Variants in TBC1D1 observed in about 807,000 individuals in gnomAD.
TBC1D1 encodes the protein TBC1 (tre-2/USP6, BUB2, cdc16) domain family, member 1.
TBC1D1 carries 89 observed loss-of-function variants against 125.6 expected under a neutral mutation model. That is an observed-to-expected ratio of 0.71 (90% CI 0.60 to 0.85). TBC1D1 has a LOEUF of 0.85. Among genes scored for constraint, TBC1D1 ranks in the 40% least tolerant of loss-of-function variants. The pLI is 0.00. For missense variants in TBC1D1, 1,377 were observed against 1,469.2 expected (o/e 0.94, Z 1.03); for synonymous variants, 565 against 564.1 (o/e 1.00, Z -0.02).
rs1176111572 is a variant in TBC1D1 at position 37,995,426 on chromosome 4, C to T, written c.418-19083C>T. ...TTTTTAGGTATCAAATGCTAGGATACAACCTGAGGTTTCTTTCCCCGCCCC... is the reference window on the plus strand; with the variant it reads ...TTTTTAGGTATCAAATGCTAGGATATAACCTGAGGTTTCTTTCCCCGCCCC... On this transcript the variant is annotated intron_variant, in intron 2 of 19. Coordinates refer to ENST00000261439, the MANE Select transcript of TBC1D1 (RefSeq NM_015173.4). The surrounding 1 kb of genome is among the most constrained non-coding windows in gnomAD (Gnocchi z 4.3). 5.1e-6 allele frequency: 1 copy of T among 196,806 alleles called. No individual in the cohort carries two copies. Among genetic ancestry groups the T allele is most frequent in the African/African-American group, 2.3e-5 (1 of 42,572 alleles). The allele number at this position is 196,806 out of a possible 1,614,324, so 12.2% of individuals were successfully genotyped here.
At chr4:37,927,261 G>A (rs186123013) in intron 2 of TBC1D1, among the ~76,000 whole-genome samples, 40 of 152,146 alleles carry the variant, frequency 2.6e-4, no homozygotes, top group South Asian at 4.1e-4. Flanking sequence ...TCCCCATTTC[G>A]AATTTATTCT....
chr4:38,127,606 A>G, intron 18 of TBC1D1, among the ~76,000 whole-genome samples: 1 of 149,668 alleles, frequency 6.7e-6, no homozygotes, highest in East Asian at 2.0e-4. Flanking sequence ...CTGGTCTTGA[A>G]CTCCTGGCCT....
chr4:38,006,985 G>T lies in TBC1D1; in HGVS notation c.418-7524G>T, dbSNP rs141395063. ...TAAGTCTCCTTCTTCTTGGCCAAGG[G>T]TGGTTCACTAAACAGTGTCACCATT... On this transcript the variant is annotated intron_variant, in intron 2 of 19. Coordinates refer to ENST00000261439, the MANE Select transcript of TBC1D1 (RefSeq NM_015173.4). The T allele has an allele frequency of 3.9e-4, 166 of 429,766 alleles. No individual in the cohort carries two copies. The East Asian group carries it at 0.01, about 27-fold the overall frequency. The allele number at this position is 429,766 out of a possible 1,614,324, so 26.6% of individuals were successfully genotyped here.
rs751750868 is a variant in TBC1D1, at chr4:38,089,959, C to G, written c.2078C>G (p.Pro693Arg). 2.5e-6 allele frequency: 4 copies of G among 1,597,080 alleles called. No homozygotes were observed. The highest frequency in any genetic ancestry group is 3.4e-6 in the Non-Finnish European group (4 of 1,173,440). Residue 693 changes from proline to arginine, a missense_variant, in exon 13 of 20, where the codon CCA becomes CGA. Around this residue, in one of 3 missense-constraint regions of TBC1D1, gnomAD observed 543 missense variants for 613.5 expected, o/e 0.89. Coordinates refer to ENST00000261439, the MANE Select transcript of TBC1D1 (RefSeq NM_015173.4). ...TATTCAGAGCTGGGAGAGCTTCCCC[C>G]ACGATCTCCTTTAGAACCAGTTTGT...
intron 12 of TBC1D1, chr4:38,060,674 G>C: frequency 7.8e-7 from 1 of 1,284,838 alleles, no homozygotes; most frequent in Non-Finnish European, 1.0e-6. Flanking sequence ...GCAGATAGAG[G>C]CAGTCTCATC....
chr4:37,975,767 G>A (rs372260116), intron 2 of TBC1D1, among the ~76,000 whole-genome samples: 10 of 152,072 alleles, frequency 6.6e-5, no homozygotes, highest in African/African-American at 2.2e-4. Context: ...ATTGTAGAGC[G>A]AGGATTATTA....
intron 2 of TBC1D1, among the ~76,000 whole-genome samples, chr4:37,948,906 TATA>T (rs1727280930): frequency 6.6e-6 from 1 of 152,186 alleles, no homozygotes; most frequent in Admixed American, 6.5e-5. Context: ...TTTCACTTAG[TATA>T]ATGTTTTCAA....
At position 38,038,948 on chromosome 4, in the gene TBC1D1, G is replaced by GA. The variant is rs565226039; in HGVS notation, c.1413+3263dup. Among the ~76,000 whole-genome samples, 159 of 137,758 alleles carry GA rather than the reference G, an allele frequency of 1.2e-3. No homozygotes were observed. In the Middle Eastern group the frequency reaches 0.018, roughly 16 times the overall value. 90.4% of individuals were successfully genotyped at this position (137,758 alleles called of 152,430 possible). A position where few individuals can be genotyped will look rare whatever the true frequency, so the allele number is the denominator to read the frequency against. The stretch of plus-strand genomic sequence containing the variant: ...GCGACAGAGAGAGACTCCCTCTCGG[G>GA]AAAAAAAAAAAAATTTCATCCTACC... On this transcript the variant is annotated intron_variant, in intron 8 of 19. Transcript: ENST00000261439.
At chr4:37,929,982 G>T (rs1034401979) in intron 2 of TBC1D1, among the ~76,000 whole-genome samples, 3 of 152,036 alleles carry the variant, frequency 2.0e-5, no homozygotes, top group Non-Finnish European at 4.4e-5. Context: ...GTCCACAAAA[G>T]GTAAATACAT....
chr4:37,964,421 A>G (rs1730680524), intron 2 of TBC1D1, among the ~76,000 whole-genome samples: 1 of 152,134 alleles, frequency 6.6e-6, no homozygotes. Context: ...TCAGGATCCA[A>G]CTGGACACTC....
intron 6 of TBC1D1, among the ~76,000 whole-genome samples, chr4:38,022,518 G>C (rs1478908104): frequency 6.6e-6 from 1 of 152,212 alleles, no homozygotes; most frequent in African/African-American, 2.4e-5. Context: ...GGCCATACTG[G>C]AGAAAGACCT....
At chr4:37,917,663 G>T (rs1166173991) in intron 2 of TBC1D1, among the ~76,000 whole-genome samples, 1 of 152,166 alleles carries the variant, frequency 6.6e-6, no homozygotes, top group Non-Finnish European at 1.5e-5. Flanking sequence ...CCCCTAGAGA[G>T]TTTGGGATGG....
chr4:37,934,429 A>G (rs909106314), intron 2 of TBC1D1, among the ~76,000 whole-genome samples: 3 of 152,118 alleles, frequency 2.0e-5, no homozygotes, highest in Admixed American at 2.0e-4. Flanking sequence ...ATGGCTTGAA[A>G]ACGGGAGGGA....
At chr4:38,002,322 G>C (rs1739239678) in intron 2 of TBC1D1, among the ~76,000 whole-genome samples, 1 of 152,094 alleles carries the variant, frequency 6.6e-6, no homozygotes, top group Non-Finnish European at 1.5e-5. Flanking sequence ...AATAAAAATA[G>C]CCAGACACAA....
At chr4:37,915,285 C>T (rs1719489060) in intron 2 of TBC1D1, among the ~76,000 whole-genome samples, 1 of 152,192 alleles carries the variant, frequency 6.6e-6, no homozygotes, top group Admixed American at 6.5e-5. Context: ...ATAGGATACA[C>T]ATCATAAAGT....
At chr4:37,892,911 A>G (rs1424449953) in intron 1 of TBC1D1, among the ~76,000 whole-genome samples, 1 of 152,202 alleles carries the variant, frequency 6.6e-6, no homozygotes, top group African/African-American at 2.4e-5. Flanking sequence ...CTTCCCTAGA[A>G]GACAGCTTTG....
At chr4:37,902,610 G>A in intron 2 of TBC1D1, 98 bp downstream of exon 2, 1 of 967,892 alleles carries the variant, frequency 1.0e-6, no homozygotes, top group Non-Finnish European at 1.5e-6. Flanking sequence ...AAATGAATAA[G>A]GAATTAATGC....
At chr4:37,901,663 T>G (rs921523247) in intron 1 of TBC1D1, among the ~76,000 whole-genome samples, 1 of 151,862 alleles carries the variant, frequency 6.6e-6, no homozygotes, top group Admixed American at 6.6e-5. Context: ...GTGATATTAC[T>G]TGTCCCAGAT....
Position 37,902,371 on chromosome 4 carries a change from C to T in TBC1D1, c.276C>T (p.Ser92=). The T allele has an allele frequency of 1.2e-6, 2 of 1,614,234 alleles. No individual in the cohort carries two copies. The highest frequency in any genetic ancestry group is 1.1e-5 in the South Asian group (1 of 91,090). ...AGTGGGATCCCCTGATCTATTCCAGCATCTTTGAGTGCAAGCCTCAGCGTG... is the reference window on the plus strand; with the variant it reads ...AGTGGGATCCCCTGATCTATTCCAGTATCTTTGAGTGCAAGCCTCAGCGTG... Residue 92 remains serine (S), a synonymous_variant, in exon 2 of 20, where the codon AGC becomes AGT. Transcript: ENST00000261439.
Sources: gnomAD v4.1 joint callset for allele counts (sites outside exome capture counted in the v4.1 genomes callset) on GRCh38, gnomAD v4.1.1 for gene constraint, gnomAD v4.1.1 regional missense constraint, Gnocchi (gnomAD v3.1) non-coding constraint, MANE v1.5 for transcripts, NCBI Gene and HGNC (gene_info 2026-07-23, HGNC 2026-07-21) for gene names.